The following PIAS2 variants were observed in gnomAD, a reference collection of about 807,000 sequenced individuals.
PIAS2 encodes the protein protein inhibitor of activated STAT 2.
A neutral mutation model predicts 69.7 loss-of-function variants in PIAS2; 19 were observed. The observed-to-expected ratio is 0.27, with a 90% confidence interval of 0.19 to 0.40. The LOEUF is 0.40. Ranked by LOEUF, PIAS2 falls within the 10% of genes least tolerant of loss-of-function variation. PIAS2 has a pLI of 1.00. For missense variants in PIAS2, 624 were observed against 757.0 expected (o/e 0.82, Z 2.06); for synonymous variants, 261 against 263.2 (o/e 0.99, Z 0.08).
At chr18:46,855,868 A>G (rs1378593448) in intron 3 of PIAS2, among the ~76,000 whole-genome samples, 3 of 152,110 alleles carry the variant, frequency 2.0e-5, no homozygotes, top group Non-Finnish European at 2.9e-5. Flanking sequence ...GATGATGCAA[A>G]ATTTATTTCA....
chr18:46,817,088 C>A, intron 12 of PIAS2: 1 of 945,134 alleles, frequency 1.1e-6, no homozygotes, highest in Non-Finnish European at 1.3e-6. Flanking sequence ...TAACCGTTTT[C>A]TTTTTACAGT....
chr18:46,907,896 G>A (rs2056815809), intron 1 of PIAS2: 1 of 151,982 alleles, frequency 6.6e-6, no homozygotes, highest in South Asian at 2.1e-4. Context: ...TACTACACAG[G>A]TTCCATTTAT....
At position 46,836,365 on chromosome 18, in the gene PIAS2, T is replaced by A. The variant is rs2044436982; in HGVS notation, c.1194A>T (p.Ile398=). The A allele has an allele frequency of 3.1e-6, 5 of 1,613,830 alleles. No homozygotes were observed. The East Asian group carries it at 1.1e-4, about 36-fold the overall frequency. Residue 398 remains isoleucine, a synonymous_variant, in exon 9 of 14, where the codon ATA becomes ATT. Coordinates refer to ENST00000585916, the MANE Select transcript of PIAS2 (RefSeq NM_004671.5). ...CDKKAAYESL[I]LDGLFMEILN... is the part of the protein sequence containing the mutation. ...AAAAGGGATATACTTACCCATCTAATATTAGACTTTCATAGGCAGCTTTTT... is the reference window on the plus strand; with the variant it reads ...AAAAGGGATATACTTACCCATCTAAAATTAGACTTTCATAGGCAGCTTTTT...
intron 3 of PIAS2, among the ~76,000 whole-genome samples, chr18:46,856,942 G>A (rs2047931470): frequency 6.6e-6 from 1 of 152,176 alleles, no homozygotes; most frequent in South Asian, 2.1e-4. Flanking sequence ...ACAACATTGT[G>A]CAAATCACTT....
intron 9 of PIAS2, among the ~76,000 whole-genome samples, chr18:46,831,103 A>T (rs501882): frequency 0.4 from 60,932 of 152,022 alleles, 12,653 homozygotes; most frequent in Middle Eastern, 0.51. Flanking sequence ...TAGAAAGAAG[A>T]AGTAAAACTG....
intron 13 of PIAS2, among the ~76,000 whole-genome samples, chr18:46,814,961 T>C (rs1370408812): frequency 6.6e-6 from 1 of 152,248 alleles, no homozygotes; most frequent in African/African-American, 2.4e-5. Flanking sequence ...TGATTTTCTA[T>C]ATACAGAATG....
At chr18:46,845,094 C>G (rs2045977569) in intron 6 of PIAS2, 1 of 239,018 alleles carries the variant, frequency 4.2e-6, no homozygotes, top group Admixed American at 5.6e-5. Flanking sequence ...TAGGTTAGAT[C>G]AATGGTTTCC....
In PIAS2 at chr18:46,804,291, G is replaced by A. The variant is rs2040592716; in HGVS notation, c.*8142C>T. ...TAAGAGTATATAAACCAGGGTACTG[G>A]GATAATAGTTAGGGAACACTTGCTT... On this transcript the variant is annotated 3_prime_UTR_variant, in exon 14 of 14. Transcript: ENST00000585916. 1 of 152,060 alleles carries A rather than the reference G, an allele frequency of 6.6e-6. No homozygotes were observed. The highest frequency in any genetic ancestry group is 2.4e-5 in the African/African-American group (1 of 41,374). 9.4% of individuals were successfully genotyped at this position (152,060 alleles called of 1,614,324 possible).
intron 2 of PIAS2, among the ~76,000 whole-genome samples, chr18:46,879,868 T>C (rs1428781129): frequency 6.6e-6 from 1 of 152,112 alleles, no homozygotes; most frequent in Non-Finnish European, 1.5e-5. Flanking sequence ...TCTACTTATA[T>C]GAGAAATCTA....
intron 3 of PIAS2, among the ~76,000 whole-genome samples, chr18:46,860,067 C>A: frequency 6.6e-6 from 1 of 152,252 alleles, no homozygotes; most frequent in South Asian, 2.1e-4. Flanking sequence ...TGTATTCAAG[C>A]GTCTAGTCTA....
intron 8 of PIAS2, among the ~76,000 whole-genome samples, chr18:46,837,599 T>C (rs1431566528): frequency 2.6e-5 from 4 of 152,366 alleles, no homozygotes; most frequent in Admixed American, 1.3e-4. Flanking sequence ...TTTTCATTTA[T>C]GAAAATTTGT....
chr18:46,897,859 A>C (rs1468618596), intron 1 of PIAS2, among the ~76,000 whole-genome samples: 1 of 151,926 alleles, frequency 6.6e-6, no homozygotes, highest in Non-Finnish European at 1.5e-5. Context: ...AGATAATACA[A>C]GGCAATATAA....
chr18:46,904,681 G>A (rs749550486), intron 1 of PIAS2, among the ~76,000 whole-genome samples: 5 of 151,774 alleles, frequency 3.3e-5, no homozygotes, highest in African/African-American at 7.3e-5. Flanking sequence ...AACCCACGAG[G>A]TGGAGGTTGC....
chr18:46,881,017 A>G (rs1317630335), intron 2 of PIAS2, among the ~76,000 whole-genome samples: 1 of 152,208 alleles, frequency 6.6e-6, no homozygotes, highest in Non-Finnish European at 1.5e-5. Flanking sequence ...ATCTATACAG[A>G]AATTATCATT....
upstream of PIAS2, among the ~76,000 whole-genome samples, chr18:46,919,017 G>A (rs1051535890): frequency 7.3e-5 from 11 of 151,620 alleles, no homozygotes; most frequent in East Asian, 7.8e-4. Context: ...ATGTGTGTGT[G>A]TGTGTGTGTG....
chr18:46,821,051 A>G lies in PIAS2; in HGVS notation c.1530T>C (p.Ser510=), dbSNP rs1446371118. 1 of 1,613,480 alleles carries G rather than the reference A, an allele frequency of 6.2e-7. No individual in the cohort carries two copies. The highest frequency in any genetic ancestry group is 2.2e-5 in the East Asian group (1 of 44,868). ...AAGTCACACTGGGCACCCTTACAGA[A>G]GATGGCTGATACATGAGAACCCTGT... ...PTKGVLMYQP[S]SVRVPSVTSV... is the part of the protein sequence containing the mutation. Residue 510 remains serine, a synonymous_variant, in exon 12 of 14, where the codon TCT becomes TCC. Coordinates refer to ENST00000585916, the MANE Select transcript of PIAS2 (RefSeq NM_004671.5).
At chr18:46,823,598 T>C (rs1029843899) in intron 11 of PIAS2, among the ~76,000 whole-genome samples, 1 of 152,184 alleles carries the variant, frequency 6.6e-6, no homozygotes, top group Non-Finnish European at 1.5e-5. Flanking sequence ...AGCTACTCCT[T>C]ACTTAGGCAA....
intron 1 of PIAS2, 183 bp downstream of exon 1, chr18:46,917,138 CG>C: frequency 1.4e-5 from 14 of 1,020,284 alleles, no homozygotes; most frequent in Non-Finnish European, 1.7e-5. Flanking sequence ...GCGCCGCCCG[CG>C]TGCCCTCCGC....
At chr18:46,831,932 A>G (rs1298987897) in intron 9 of PIAS2, among the ~76,000 whole-genome samples, 1 of 152,260 alleles carries the variant, frequency 6.6e-6, no homozygotes, top group East Asian at 1.9e-4. Flanking sequence ...ACAATCTTTC[A>G]TAAAAGAAAA....
Sources: gnomAD v4.1 joint callset for allele counts (sites outside exome capture counted in the v4.1 genomes callset) on GRCh38, gnomAD v4.1.1 for gene constraint, MANE v1.5 for transcripts, NCBI Gene and HGNC (gene_info 2026-07-23, HGNC 2026-07-21) for gene names.